The following RBM34 variants were observed in gnomAD, a reference collection of about 807,000 sequenced individuals.
The protein encoded by RBM34 is RNA-binding protein 34.
RBM34 carries 39 observed loss-of-function variants against 44.6 expected under a neutral mutation model. That is an observed-to-expected ratio of 0.87 (90% CI 0.68 to 1.14). The LOEUF is 1.14. Ranked by LOEUF, RBM34 falls within the 50% of genes most tolerant of loss-of-function variation. The pLI is 0.00. For synonymous variants in RBM34, 194 were observed against 184.0 expected (o/e 1.05, Z -0.44); for missense variants, 572 against 517.9 (o/e 1.10, Z -1.01).
intron 5 of RBM34, among the ~76,000 whole-genome samples, chr1:235,150,511 G>A (rs892617938): frequency 6.6e-5 from 10 of 152,128 alleles, no homozygotes; most frequent in African/African-American, 2.4e-4. Context: ...GCCACATACT[G>A]AAAAATACTT....
At chr1:235,158,534 T>C (rs1572171334) in intron 3 of RBM34, among the ~76,000 whole-genome samples, 1 of 150,870 alleles carries the variant, frequency 6.6e-6, no homozygotes, top group Non-Finnish European at 1.5e-5. Flanking sequence ...AGCACCCAGG[T>C]GGTTGAGTTA....
chr1:235,133,899 G>A (rs1053013118), intron 10 of RBM34, among the ~76,000 whole-genome samples: 6 of 152,156 alleles, frequency 3.9e-5, no homozygotes, highest in Non-Finnish European at 5.9e-5. Context: ...GTCTCACTCT[G>A]TCAGTTCGGC....
At chr1:235,149,338 C>G (rs1415852994) in intron 5 of RBM34, among the ~76,000 whole-genome samples, 22 of 139,682 alleles carry the variant, frequency 1.6e-4, no homozygotes, top group Non-Finnish European at 2.0e-4. Context: ...GCAGTGAGCC[C>G]AGATGGCACC....
In RBM34 at chr1:235,144,817, G is replaced by A. The variant is rs552411174; in HGVS notation, c.701+3587C>T. On this transcript the variant is annotated intron_variant, in intron 6 of 10. Coordinates refer to ENST00000408888, the MANE Select transcript of RBM34 (RefSeq NM_015014.4). ...CAGCACTTTGGGAGGCCGAGGGTGGGGCAGATCACCTGAGGTCATGAGTTT... is the reference window on the plus strand; with the variant it reads ...CAGCACTTTGGGAGGCCGAGGGTGGAGCAGATCACCTGAGGTCATGAGTTT... 2.5e-4 allele frequency among the ~76,000 whole-genome samples: 38 copies of A among 152,190 alleles called. 1 individual carries two copies. In the South Asian group the frequency reaches 7.7e-3, roughly 31 times the overall value.
At chr1:235,144,126 T>C (rs372185618) in intron 6 of RBM34, among the ~76,000 whole-genome samples, 3 of 151,804 alleles carry the variant, frequency 2.0e-5, no homozygotes, top group South Asian at 4.2e-4. Context: ...CCGTGAGCCA[T>C]TATCGTGCCA....
rs540678945 is a variant in RBM34, at chr1:235,139,641, G to A, written c.702-1467C>T. ...CTGGAGTTCCGCTTCCACCTAGAAT[G>A]TAAAAAGCCAGAAAGTGCATCACTC... On this transcript the variant is annotated intron_variant, in intron 6 of 10. Transcript: ENST00000408888. 3.3e-5 allele frequency among the ~76,000 whole-genome samples: 5 copies of A among 152,232 alleles called. No homozygotes were observed. The East Asian group carries it at 7.7e-4, about 23-fold the overall frequency.
chr1:235,160,184 G>A (rs1662637010), intron 3 of RBM34: 6 of 449,844 alleles, frequency 1.3e-5, no homozygotes, highest in East Asian at 6.4e-5. Context: ...CCTGGGAAGC[G>A]GAGGTTGCAG....
At chr1:235,138,056 C>T in intron 7 of RBM34, 35 bp downstream of exon 7, 5 of 1,571,412 alleles carry the variant, frequency 3.2e-6, no homozygotes, top group Non-Finnish European at 4.4e-6. Context: ...ACTTATAGGA[C>T]AATTATTCTG....
chr1:235,155,941 C>T lies in RBM34; in HGVS notation c.366-829G>A, dbSNP rs1179715048. ...CTGGAGTATAGTGGCGCAATCTCGGCTCACTGCAACCTCCGCCTCTCTGGT... is the reference window on the plus strand; with the variant it reads ...CTGGAGTATAGTGGCGCAATCTCGGTTCACTGCAACCTCCGCCTCTCTGGT... On this transcript the variant is annotated intron_variant, in intron 3 of 10. Coordinates refer to ENST00000408888, the MANE Select transcript of RBM34 (RefSeq NM_015014.4). 2.1e-5 allele frequency among the ~76,000 whole-genome samples: 3 copies of T among 143,178 alleles called. No homozygotes were observed. In the South Asian group the frequency reaches 6.5e-4, roughly 31 times the overall value. The allele number at this position is 143,178 out of a possible 152,430, so 93.9% of individuals were successfully genotyped here. A position where few individuals can be genotyped will look rare whatever the true frequency, so the allele number is the denominator to read the frequency against.
intron 6 of RBM34, among the ~76,000 whole-genome samples, chr1:235,140,219 G>T (rs560227687): frequency 7.9e-5 from 12 of 152,236 alleles, no homozygotes; most frequent in Non-Finnish European, 1.5e-4. Context: ...CCGCTGCGCT[G>T]TGGGAGCCCG....
intron 10 of RBM34, among the ~76,000 whole-genome samples, chr1:235,134,372 G>A (rs1283840688): frequency 1.3e-5 from 2 of 152,070 alleles, no homozygotes; most frequent in African/African-American, 4.8e-5. Flanking sequence ...TGTTGCCCAA[G>A]CTGGACTTGA....
chr1:235,153,248 G>C (rs924330407), intron 4 of RBM34, among the ~76,000 whole-genome samples: 3 of 149,384 alleles, frequency 2.0e-5, no homozygotes, highest in Non-Finnish European at 4.4e-5. Flanking sequence ...ACTGAAACTT[G>C]TGAGACTCTG....
At chr1:235,149,000 A>T (rs1662036494) in intron 5 of RBM34, among the ~76,000 whole-genome samples, 1 of 152,108 alleles carries the variant, frequency 6.6e-6, no homozygotes, top group Non-Finnish European at 1.5e-5. Context: ...AAAAACCCAG[A>T]CAGAAGTTAA....
chr1:235,160,469 C>T (rs1158924880), intron 3 of RBM34, 42 bp downstream of exon 3: 1 of 1,566,488 alleles, frequency 6.4e-7, no homozygotes, highest in Admixed American at 1.8e-5. Flanking sequence ...TGTTAATTTA[C>T]CATCTAATTT....
chr1:235,158,522 A>G (rs1219544160), intron 3 of RBM34, among the ~76,000 whole-genome samples: 1 of 151,920 alleles, frequency 6.6e-6, no homozygotes, highest in Non-Finnish European at 1.5e-5. Flanking sequence ...TGTGGTACAC[A>G]CAGCACCCAG....
chr1:235,152,021 C>T (rs1273281891), intron 5 of RBM34, among the ~76,000 whole-genome samples: 4 of 134,360 alleles, frequency 3.0e-5, no homozygotes, highest in Non-Finnish European at 4.7e-5. Flanking sequence ...TGAGACACAG[C>T]GAGACTCTGT....
intron 3 of RBM34, among the ~76,000 whole-genome samples, chr1:235,159,728 G>A (rs2102868599): frequency 6.6e-6 from 1 of 151,006 alleles, no homozygotes; most frequent in African/African-American, 2.4e-5. Context: ...AAAATTAACC[G>A]GGCATGGTGG....
chr1:235,150,946 T>C (rs1032867199), intron 5 of RBM34, among the ~76,000 whole-genome samples: 4 of 150,684 alleles, frequency 2.7e-5, no homozygotes, highest in African/African-American at 9.8e-5. Context: ...GCTGGGGGGA[T>C]GGGGGGAAGG....
rs1553275357 is a variant in RBM34 at position 235,155,850 on chromosome 1, T to TATATATAC, written c.366-739_366-738insGTATATAT. On this transcript the variant is annotated intron_variant, in intron 3 of 10. Transcript: ENST00000408888. ...ATATATATATATATATATATATATA[T>TATATATAC]ATATATATATATATATACATATATA... Among the ~76,000 whole-genome samples, 46 of 28,786 alleles carry TATATATAC rather than the reference T, an allele frequency of 1.6e-3. 1 individual carries two copies. Among genetic ancestry groups the TATATATAC allele is most frequent in the Non-Finnish European group, 2.3e-3 (38 of 16,612 alleles). The allele number at this position is 28,786 out of a possible 152,430, so 18.9% of individuals were successfully genotyped here.
Sources: allele counts gnomAD v4.1 joint callset (sites outside exome capture counted in the v4.1 genomes callset), GRCh38; gene constraint gnomAD v4.1.1; transcripts MANE v1.5; gene names NCBI Gene and HGNC (gene_info 2026-07-23, HGNC 2026-07-21).